GBP4: variants seen among roughly 807,000 people sequenced by gnomAD.
GBP4 encodes the protein guanylate binding protein 4, also known as guanylate-binding protein 4.
In GBP4, 69 loss-of-function variants were observed where a neutral mutation model predicts 62.2. The observed-to-expected ratio is 1.11, with a 90% CI of 0.91 to 1.36. The LOEUF (loss-of-function observed/expected upper bound fraction) is 1.36, where lower values mean the gene tolerates loss of function less well. Among genes scored for constraint, GBP4 ranks in the 40% most tolerant of loss-of-function variants. The pLI, the probability that GBP4 is intolerant of heterozygous loss-of-function variation, is 0.00. For synonymous variants in GBP4, 278 were observed against 274.6 expected (o/e 1.01, Z -0.12); for missense variants, 697 against 759.3 (o/e 0.92, Z 0.96).
At chr1:89,194,455 C>A (rs1648270685) in intron 3 of GBP4, among the ~76,000 whole-genome samples, 1 of 152,148 alleles carries the variant, frequency 6.6e-6, no homozygotes, top group Non-Finnish European at 1.5e-5. Flanking sequence ...TTTGATATTA[C>A]ACTAAGAGAA....
Position 89,193,047 on chromosome 1 carries a change from T to C in GBP4, c.527A>G (p.Asp176Gly), listed in dbSNP as rs1454592411. The C allele has an allele frequency of 6.2e-7, 1 of 1,614,228 alleles. No individual in the cohort carries two copies. Among genetic ancestry groups the C allele is most frequent in the Non-Finnish European group, 8.5e-7 (1 of 1,180,042 alleles). ...AAACTCGCTGGAGTCCTCAGCTTCA[T>C]CAGGTCTGGGGCAGGATTTTGCCCT... ...LIRAKSCPRP[D>G]EAEDSSEFAS... The change falls in exon 5 of 11, where the codon GAT (aspartate) becomes GGT (glycine). Residue 176 changes from aspartate to glycine, a missense_variant. Physicochemically the swap from Asp to Gly is moderately conservative, Grantham distance 94 (BLOSUM62 -1). This residue lies in a region of GBP4 where 556 missense variants were observed against 562.7 expected (regional missense o/e 0.99). Transcript: ENST00000355754.
intron 6 of GBP4, among the ~76,000 whole-genome samples, chr1:89,191,009 C>A (rs532278412): frequency 4.6e-5 from 7 of 152,076 alleles, no homozygotes. Flanking sequence ...CCTCATCATG[C>A]AGATTTCTCT....
intron 1 of GBP4, among the ~76,000 whole-genome samples, chr1:89,197,764 T>C (rs1338693924): frequency 6.6e-6 from 1 of 151,702 alleles, no homozygotes; most frequent in Non-Finnish European, 1.5e-5. Context: ...TAATAAAGAG[T>C]ATTGCGTACC....
rs28412993 is a variant in GBP4, at chr1:89,186,933, T to G, written c.1513+67A>C. The G allele has an allele frequency of 2.9e-6, 4 of 1,382,948 alleles. No homozygotes were observed. The South Asian group carries it at 3.6e-5, about 12-fold the overall frequency. 85.7% of individuals were successfully genotyped at this position (1,382,948 alleles called of 1,614,324 possible). On this transcript the variant is annotated intron_variant, in intron 9 of 10. Coordinates refer to ENST00000355754, the MANE Select transcript of GBP4 (RefSeq NM_052941.5). ...TCCTTTTAACTGGAATATCTTTCAG[T>G]GTGATCAGCAAGAAGGCATTGCAGG... is the stretch of plus-strand genomic sequence containing the variant.
In GBP4 at chr1:89,190,147, G is replaced by A. The variant is rs138472408; in HGVS notation, c.1088C>T (p.Thr363Met). The change falls in exon 7 of 11, where the codon ACG (threonine) becomes ATG (methionine). Residue 363 changes from threonine (T) to methionine (M), a missense_variant. Physicochemically the swap from Thr to Met is moderately conservative, Grantham distance 81. This residue lies in a region of GBP4 where 556 missense variants were observed against 562.7 expected (regional missense o/e 0.99). Coordinates refer to ENST00000355754, the MANE Select transcript of GBP4 (RefSeq NM_052941.5). ...MAQQLRLPTD[T>M]LQELLDVHAA... ...ATGCACGTCCAGCAGCTCCTGGAGC[G>A]TGTCTGTGGGGAGCCTCAGTTGCTG... is the stretch of plus-strand genomic sequence containing the variant. 6.8e-5 allele frequency: 109 copies of A among 1,614,046 alleles called. 1 individual carries two copies. Among genetic ancestry groups the A allele is most frequent in the Middle Eastern group, 3.3e-4 (2 of 6,084 alleles).
In GBP4 at chr1:89,190,019, G is replaced by A; in HGVS notation, c.1197+19C>T. The A allele has an allele frequency of 1.3e-6, 2 of 1,592,812 alleles. No homozygotes were observed. Among genetic ancestry groups the A allele is most frequent in the Non-Finnish European group, 1.7e-6 (2 of 1,167,196 alleles). On this transcript the variant is annotated intron_variant, in intron 7 of 10. Transcript: ENST00000355754. ...ATTTCGGAAGGGCAGAAATCAGGAA[G>A]GATAAATGCTAAAAGTACCACAAGC...
At chr1:89,193,777 T>A (rs781776597) in intron 3 of GBP4, among the ~76,000 whole-genome samples, 6 of 152,206 alleles carry the variant, frequency 3.9e-5, no homozygotes, top group Non-Finnish European at 7.3e-5. Flanking sequence ...ACATTGTGTA[T>A]CTGACAAAAT....
intron 8 of GBP4, among the ~76,000 whole-genome samples, chr1:89,187,424 C>G (rs1470509986): frequency 6.6e-6 from 1 of 152,146 alleles, no homozygotes; most frequent in African/African-American, 2.4e-5. Flanking sequence ...AATACACATT[C>G]TCAGTTTTTG....
intron 6 of GBP4, 55 bp from the exon 7 acceptor site, chr1:89,190,373 G>T: frequency 3.5e-6 from 5 of 1,435,668 alleles, no homozygotes; most frequent in East Asian, 2.4e-5. Flanking sequence ...ATTTATACAA[G>T]TTTTAAGAGT....
At chr1:89,189,769 T>C (rs1459355798) in intron 7 of GBP4, among the ~76,000 whole-genome samples, 1 of 152,224 alleles carries the variant, frequency 6.6e-6, no homozygotes, top group Non-Finnish European at 1.5e-5. Context: ...CCAGACACCC[T>C]GATAAGGACT....
Position 89,185,158 on chromosome 1 carries a change from C to T in GBP4, c.*96G>A. 1.4e-6 allele frequency: 1 copy of T among 727,014 alleles called. No individual in the cohort carries two copies. Among genetic ancestry groups the T allele is most frequent in the South Asian group, 2.0e-5 (1 of 51,228 alleles). The allele number at this position is 727,014 out of a possible 1,614,324, so 45.0% of individuals were successfully genotyped here. A position where few individuals can be genotyped will look rare whatever the true frequency, so the allele number is the denominator to read the frequency against. ...TTTAAACTTTTCTTGAATGAAACTG[C>T]TATAACACATATACTTACAAAATGA... On this transcript the variant is annotated 3_prime_UTR_variant, in exon 11 of 11. Coordinates refer to ENST00000355754, the MANE Select transcript of GBP4 (RefSeq NM_052941.5).
At chr1:89,189,357 T>A (rs1307729991) in intron 7 of GBP4, among the ~76,000 whole-genome samples, 2 of 152,204 alleles carry the variant, frequency 1.3e-5, no homozygotes, top group Non-Finnish European at 2.9e-5. Context: ...CACTTTTAGG[T>A]CAGTCTGAGA....
rs3795541 is a variant in GBP4 at position 89,195,128 on chromosome 1, A to T, written c.363+169T>A. On this transcript the variant is annotated intron_variant, in intron 3 of 10. Coordinates refer to ENST00000355754, the MANE Select transcript of GBP4 (RefSeq NM_052941.5). ...GTTAAAAATAAGAAGATCTACTCTTAAATATGCCTCAATACTTGAAATTAA... is the reference window on the plus strand; with the variant it reads ...GTTAAAAATAAGAAGATCTACTCTTTAATATGCCTCAATACTTGAAATTAA... Among the ~76,000 whole-genome samples, 590 of 152,334 alleles carry T rather than the reference A, an allele frequency of 3.9e-3. 9 individuals carry two copies. In the East Asian group the frequency reaches 0.05, roughly 13 times the overall value.
In GBP4 at chr1:89,195,347, T is replaced by G. The variant is rs1262914661; in HGVS notation, c.313A>C (p.Asn105His). Residue 105 changes from asparagine (N) to histidine (H), a missense_variant, in exon 3 of 11, where the codon AAC becomes CAC. Asn to His is a moderately conservative substitution (Grantham distance 68, BLOSUM62 1). Transcript: ENST00000355754. ...GTGTCCAGAAGGACCAGGGTGTGGT[T>G]TGGCTTAGAGAGGTGGGGCACACAC... ...MWCVPHLSKP[N>H]HTLVLLDTEG... 4.3e-6 allele frequency: 7 copies of G among 1,614,058 alleles called. No individual in the cohort carries two copies. The highest frequency in any genetic ancestry group is 5.9e-6 in the Non-Finnish European group (7 of 1,179,954).
Position 89,190,284 on chromosome 1 carries a change from G to A in GBP4, c.951C>T (p.Ala317=), listed in dbSNP as rs757537588. The stretch of plus-strand genomic sequence containing the variant: ...GACAAGGTACTGCTCCACTGTTGAT[G>A]GCATCTACATAAGTCACCACCAGAG... ...LGTLVVTYVD[A]INSGAVPCLE... Residue 317 remains alanine (A), a synonymous_variant, in exon 7 of 11, where the codon GCC becomes GCT. Coordinates refer to ENST00000355754, the MANE Select transcript of GBP4 (RefSeq NM_052941.5). 5 of 1,613,534 alleles carry A rather than the reference G, an allele frequency of 3.1e-6. No homozygotes were observed. Among genetic ancestry groups the A allele is most frequent in the Non-Finnish European group, 1.7e-6 (2 of 1,179,608 alleles).
intron 1 of GBP4, among the ~76,000 whole-genome samples, chr1:89,198,023 G>T (rs375349505): frequency 3.9e-5 from 6 of 152,036 alleles, no homozygotes; most frequent in South Asian, 2.1e-4. Context: ...GGAGAGGTTG[G>T]GGGGAGGGGT....
chr1:89,185,182 G>T lies in GBP4; in HGVS notation c.*72C>A. 3 of 911,326 alleles carry T rather than the reference G, an allele frequency of 3.3e-6. No individual in the cohort carries two copies. The highest frequency in any genetic ancestry group is 1.5e-5 in the South Asian group (1 of 64,966). 56.5% of individuals were successfully genotyped at this position (911,326 alleles called of 1,614,324 possible). ...GCTATAACACATATACTTACAAAATGAGCAACAGTGTTATGTTATTAAAAT... is the reference window on the plus strand; with the variant it reads ...GCTATAACACATATACTTACAAAATTAGCAACAGTGTTATGTTATTAAAAT... On this transcript the variant is annotated 3_prime_UTR_variant, in exon 11 of 11. Coordinates refer to ENST00000355754, the MANE Select transcript of GBP4 (RefSeq NM_052941.5).
At chr1:89,188,837 G>C in intron 7 of GBP4, 43 bp from the exon 8 acceptor site, 1 of 1,600,688 alleles carries the variant, frequency 6.2e-7, no homozygotes, top group Non-Finnish European at 8.6e-7. Context: ...GAAGCTGTTA[G>C]AAGGGAAGGT....
chr1:89,182,198 C>T lies in GBP4; in HGVS notation c.*3056G>A, dbSNP rs543861214. ...GCTGCAGACAAAACTTCTCAGACAC[C>T]GAGTTGGAGAAGGAAGGGCTTTTTT... On this transcript the variant is annotated 3_prime_UTR_variant, in exon 11 of 11. Coordinates refer to ENST00000355754, the MANE Select transcript of GBP4 (RefSeq NM_052941.5). 5 of 152,216 alleles carry T rather than the reference C, an allele frequency of 3.3e-5. No individual in the cohort carries two copies. The highest frequency in any genetic ancestry group is 9.6e-5 in the African/African-American group (4 of 41,532). 9.4% of individuals were successfully genotyped at this position (152,216 alleles called of 1,614,324 possible). A position where few individuals can be genotyped will look rare whatever the true frequency, so the allele number is the denominator to read the frequency against.
Sources: gnomAD v4.1 joint callset for allele counts (sites outside exome capture counted in the v4.1 genomes callset) on GRCh38, gnomAD v4.1.1 for gene constraint, gnomAD v4.1.1 regional missense constraint, MANE v1.5 for transcripts, NCBI Gene and HGNC (gene_info 2026-07-23, HGNC 2026-07-21) for gene names.